The following CNTNAP5 variants were observed in gnomAD, a reference collection of about 807,000 sequenced individuals.
The protein encoded by CNTNAP5 is contactin associated protein family member 5.
Under a neutral mutation model 150.2 loss-of-function variants are expected in CNTNAP5, and 72 were observed. The observed-to-expected ratio is 0.48, with a 90% CI of 0.40 to 0.58. CNTNAP5 has a LOEUF of 0.58. Ranked by LOEUF, CNTNAP5 falls within the 20% of genes least tolerant of loss-of-function variation. The pLI, the probability that CNTNAP5 is intolerant of heterozygous loss-of-function variation, is 0.00. For missense variants in CNTNAP5, 1,636 were observed against 1,626.2 expected (o/e 1.01, Z -0.10); for synonymous variants, 672 against 619.8 (o/e 1.08, Z -1.25).
At chr2:124,581,952 T>C (rs1395080060) in intron 11 of CNTNAP5, among the ~76,000 whole-genome samples, 1 of 152,240 alleles carries the variant, frequency 6.6e-6, no homozygotes, top group Admixed American at 6.5e-5. Context: ...AAGCTGGTGC[T>C]GTTTCACAAA....
At chr2:124,149,745 A>G (rs538441944) in intron 1 of CNTNAP5, among the ~76,000 whole-genome samples, 34 of 152,326 alleles carry the variant, frequency 2.2e-4, no homozygotes, top group Non-Finnish European at 4.4e-4. Context: ...GGCCCTGACT[A>G]TAAAAATAAA....
At chr2:124,731,773 G>A (rs1680277102) in intron 13 of CNTNAP5, among the ~76,000 whole-genome samples, 1 of 150,820 alleles carries the variant, frequency 6.6e-6, no homozygotes, top group Non-Finnish European at 1.5e-5. Context: ...TGTGTTTCTG[G>A]GTGTATGAGT....
chr2:124,825,344 A>C (rs1052766171), intron 19 of CNTNAP5, among the ~76,000 whole-genome samples: 1 of 152,156 alleles, frequency 6.6e-6, no homozygotes, highest in Non-Finnish European at 1.5e-5. Context: ...GCTTGTGCCC[A>C]GGGATAAGTG....
intron 13 of CNTNAP5, among the ~76,000 whole-genome samples, chr2:124,711,624 G>A (rs995727106): frequency 9.2e-5 from 14 of 151,608 alleles, no homozygotes; most frequent in African/African-American, 3.4e-4. Context: ...TCAGGAGATT[G>A]AGGCCATCTT....
intron 1 of CNTNAP5, among the ~76,000 whole-genome samples, chr2:124,063,051 C>G (rs1027438552): frequency 6.6e-6 from 1 of 151,838 alleles, no homozygotes; most frequent in African/African-American, 2.4e-5. Flanking sequence ...TGTTTCTTTT[C>G]CTGTCCTTAC....
intron 19 of CNTNAP5, among the ~76,000 whole-genome samples, chr2:124,802,285 G>A (rs1044658206): frequency 1.3e-5 from 2 of 152,128 alleles, no homozygotes; most frequent in Non-Finnish European, 2.9e-5. Flanking sequence ...TCAAAGTCAT[G>A]GTTATAAGTC....
chr2:124,890,976 A>C (rs1380916784), intron 21 of CNTNAP5, among the ~76,000 whole-genome samples: 1 of 152,130 alleles, frequency 6.6e-6, no homozygotes, highest in African/African-American at 2.4e-5. Flanking sequence ...CTTTACCTTC[A>C]TTATTACATT....
chr2:124,728,363 C>A (rs1680204005), intron 13 of CNTNAP5, among the ~76,000 whole-genome samples: 1 of 151,974 alleles, frequency 6.6e-6, no homozygotes. Context: ...AGGATTGACA[C>A]TAGTTCTTTA....
intron 19 of CNTNAP5, among the ~76,000 whole-genome samples, chr2:124,832,917 TC>T (rs369260053): frequency 0.17 from 23,908 of 140,582 alleles, 2,535 homozygotes; most frequent in African/African-American, 0.31. Context: ...TTTTTTCTTT[TC>T]CTTTTTTTTT....
intron 8 of CNTNAP5, among the ~76,000 whole-genome samples, chr2:124,515,828 G>A (rs994892018): frequency 6.6e-6 from 1 of 152,168 alleles, no homozygotes; most frequent in Non-Finnish European, 1.5e-5. Context: ...TTGGAAAATA[G>A]CCTGAAAAGA....
intron 1 of CNTNAP5, among the ~76,000 whole-genome samples, chr2:124,175,873 T>C (rs1050677282): frequency 6.6e-6 from 1 of 152,214 alleles, no homozygotes; most frequent in East Asian, 1.9e-4. Context: ...TTTCATGTCT[T>C]TGCTATTGTG....
intron 1 of CNTNAP5, among the ~76,000 whole-genome samples, chr2:124,188,252 A>C (rs1280263660): frequency 2.0e-5 from 3 of 152,224 alleles, no homozygotes; most frequent in African/African-American, 7.2e-5. Context: ...TCCTGAAGGT[A>C]GGAAAAACAG....
At chr2:124,056,188 C>T (rs546881348) in intron 1 of CNTNAP5, among the ~76,000 whole-genome samples, 33 of 152,292 alleles carry the variant, frequency 2.2e-4, no homozygotes, top group African/African-American at 7.0e-4. Context: ...GATACAAGTT[C>T]GCTGATTATT....
At chr2:124,863,939 C>A (rs1394066202) in intron 19 of CNTNAP5, among the ~76,000 whole-genome samples, 1 of 152,160 alleles carries the variant, frequency 6.6e-6, no homozygotes, top group Non-Finnish European at 1.5e-5. Flanking sequence ...CTCCTCAATT[C>A]CAATTATTTT....
intron 7 of CNTNAP5, among the ~76,000 whole-genome samples, chr2:124,477,494 G>C (rs1693668892): frequency 6.6e-6 from 1 of 152,092 alleles, no homozygotes. Context: ...AAGTTAGGAT[G>C]ATGCTAGGGA....
chr2:124,338,876 C>T (rs542589491), intron 3 of CNTNAP5, among the ~76,000 whole-genome samples: 1 of 152,142 alleles, frequency 6.6e-6, no homozygotes, highest in Non-Finnish European at 1.5e-5. Flanking sequence ...TATGGTTGCT[C>T]ATTTGAAAAT....
At chr2:124,340,483 T>C (rs1224209588) in intron 3 of CNTNAP5, among the ~76,000 whole-genome samples, 1 of 151,978 alleles carries the variant, frequency 6.6e-6, no homozygotes, top group African/African-American at 2.4e-5. Context: ...TGTGCCCAAA[T>C]AATATACCAT....
At chr2:124,728,204 G>A (rs1320770493) in intron 13 of CNTNAP5, among the ~76,000 whole-genome samples, 6 of 151,814 alleles carry the variant, frequency 4.0e-5, no homozygotes, top group Admixed American at 6.6e-5. Flanking sequence ...GTATTCTATC[G>A]AGGATTCTTT....
chr2:124,121,926 T>C (rs1405825031), intron 1 of CNTNAP5, among the ~76,000 whole-genome samples: 1 of 152,240 alleles, frequency 6.6e-6, no homozygotes, highest in Non-Finnish European at 1.5e-5. Context: ...GACAGATGCA[T>C]GGAACTATTA....
Sources: gnomAD v4.1 joint callset for allele counts (sites outside exome capture counted in the v4.1 genomes callset) on GRCh38, gnomAD v4.1.1 for gene constraint, MANE v1.5 for transcripts, NCBI Gene and HGNC (gene_info 2026-07-23, HGNC 2026-07-21) for gene names.